The following ENTREP2 variants were observed in gnomAD, a reference collection of about 807,000 sequenced individuals.
ENTREP2 encodes the protein endosomal transmembrane epsin interactor 2.
the ENTREP2 span, among the ~76,000 whole-genome samples, chr15:29,148,663 G>T: frequency 3.3e-5 from 5 of 151,964 alleles, no homozygotes; most frequent in African/African-American, 9.7e-5. Context: ...CTCAGTGGGG[G>T]CTGACTGTAC....
the ENTREP2 span, among the ~76,000 whole-genome samples, chr15:29,498,363 A>G: frequency 6.6e-6 from 1 of 151,986 alleles, no homozygotes; most frequent in African/African-American, 2.4e-5. Context: ...GATATTTTTT[A>G]ATTTTCCTAC....
the ENTREP2 span, among the ~76,000 whole-genome samples, chr15:29,166,871 G>A: frequency 4.6e-5 from 7 of 151,844 alleles, no homozygotes; most frequent in African/African-American, 1.7e-4. Context: ...AAAGCAAGAC[G>A]AAGCAAAAAG....
chr15:29,265,145 A>T, the ENTREP2 span: 2 of 152,240 alleles, frequency 1.3e-5, no homozygotes, highest in African/African-American at 4.8e-5. Flanking sequence ...TATAGGGGAA[A>T]AAAACTCTTA....
the ENTREP2 span, among the ~76,000 whole-genome samples, chr15:29,330,779 T>G: frequency 2.0e-5 from 3 of 152,368 alleles, no homozygotes; most frequent in African/African-American, 7.2e-5. Context: ...GCTCATTCAT[T>G]TTAACAAATG....
chr15:29,645,546 A>G, the ENTREP2 span, among the ~76,000 whole-genome samples: 1 of 148,024 alleles, frequency 6.8e-6, no homozygotes, highest in African/African-American at 2.5e-5. Flanking sequence ...TCATGTGATT[A>G]CCTTATTTAT....
the ENTREP2 span, among the ~76,000 whole-genome samples, chr15:29,444,176 AAG>A: frequency 1.8e-5 from 1 of 54,882 alleles, no homozygotes; most frequent in African/African-American, 8.7e-5. Flanking sequence ...CAGACAAAGA[AAG>A]AAAGAAAGAA....
chr15:29,545,522 C>G, the ENTREP2 span, among the ~76,000 whole-genome samples: 1 of 152,192 alleles, frequency 6.6e-6, no homozygotes, highest in Non-Finnish European at 1.5e-5. Context: ...GTAGCTGCCA[C>G]TGGGTAGATA....
At chr15:29,672,279 C>T in the ENTREP2 span, among the ~76,000 whole-genome samples, 40 of 152,122 alleles carry the variant, frequency 2.6e-4, no homozygotes, top group South Asian at 2.1e-3. Context: ...TGAGCCACCG[C>T]GCCCGGTTTA....
the ENTREP2 span, among the ~76,000 whole-genome samples, chr15:29,351,868 G>A: frequency 6.6e-6 from 1 of 151,770 alleles, no homozygotes; most frequent in South Asian, 2.1e-4. Context: ...CCAACTCTTG[G>A]TCTCAAGCTA....
the ENTREP2 span, among the ~76,000 whole-genome samples, chr15:29,433,777 A>G: frequency 5.3e-3 from 124 of 23,228 alleles, 3 homozygotes; most frequent in East Asian, 0.1. Context: ...AGACTCCTCC[A>G]TGGGAAAAAA....
chr15:29,311,113 G>A, the ENTREP2 span, among the ~76,000 whole-genome samples: 18,156 of 152,058 alleles, frequency 0.12, 1,404 homozygotes, highest in African/African-American at 0.22. Context: ...TGTGCTTTGT[G>A]ATGAGAGACC....
the ENTREP2 span, among the ~76,000 whole-genome samples, chr15:29,444,142 A>C: frequency 0.64 from 87,415 of 136,514 alleles, 28,997 homozygotes; most frequent in Admixed American, 0.66. Context: ...GACAGACAGA[A>C]AGAAAGACAG....
At chr15:29,342,408 T>C in the ENTREP2 span, among the ~76,000 whole-genome samples, 1 of 152,210 alleles carries the variant, frequency 6.6e-6, no homozygotes, top group Non-Finnish European at 1.5e-5. Context: ...CCAGAGATTC[T>C]TGGTTGTTCT....
At chr15:29,597,086 CAA>C in the ENTREP2 span, among the ~76,000 whole-genome samples, 311 of 143,886 alleles carry the variant, frequency 2.2e-3, no homozygotes, top group African/African-American at 7.7e-3. Context: ...ATCACTCATA[CAA>C]AAAAAAAAAA....
chr15:29,455,181 C>T, the ENTREP2 span, among the ~76,000 whole-genome samples: 30 of 152,154 alleles, frequency 2.0e-4, no homozygotes, highest in African/African-American at 6.5e-4. Flanking sequence ...CCCATCACCC[C>T]TGCTCACCCC....
At chr15:29,589,869 G>A in the ENTREP2 span, among the ~76,000 whole-genome samples, 3 of 152,148 alleles carry the variant, frequency 2.0e-5, no homozygotes, top group South Asian at 4.1e-4. Context: ...TTCCTCATCC[G>A]GAAGGTGGGG....
the ENTREP2 span, among the ~76,000 whole-genome samples, chr15:29,424,645 C>T: frequency 6.6e-6 from 1 of 152,170 alleles, no homozygotes; most frequent in Admixed American, 6.5e-5. Flanking sequence ...CTGAGAGGGG[C>T]CCTGCAAAGT....
chr15:29,257,123 G>C, the ENTREP2 span, among the ~76,000 whole-genome samples: 1 of 151,500 alleles, frequency 6.6e-6, no homozygotes, highest in Admixed American at 6.6e-5. Flanking sequence ...GTGCAGGCTG[G>C]AGTGCAATGC....
chr15:29,544,639 C>T, the ENTREP2 span, among the ~76,000 whole-genome samples: 8 of 152,058 alleles, frequency 5.3e-5, no homozygotes, highest in Non-Finnish European at 8.8e-5. Flanking sequence ...GGAAAGCCTT[C>T]GTAACCCCTC....
Sources: gnomAD v4.1 joint callset for allele counts (sites outside exome capture counted in the v4.1 genomes callset) on GRCh38, gnomAD v4.1.1 for gene constraint, MANE v1.5 for transcripts, NCBI Gene and HGNC (gene_info 2026-07-23, HGNC 2026-07-21) for gene names.